GALNTL6: variants seen among roughly 807,000 people sequenced by gnomAD.
GALNTL6 encodes polypeptide N-acetylgalactosaminyltransferase like 6, also known as polypeptide N-acetylgalactosaminyltransferase-like 6.
A neutral mutation model predicts 73.7 loss-of-function variants in GALNTL6; 46 were observed. The ratio of observed to expected loss-of-function variants is 0.62; its 90% CI spans 0.49 to 0.80. GALNTL6 has a LOEUF of 0.80. GALNTL6 is among the 30% of genes least tolerant of loss of function. The pLI, the probability that GALNTL6 is intolerant of heterozygous loss-of-function variation, is 0.00. For missense variants in GALNTL6, 604 were observed against 755.0 expected (o/e 0.80, Z 2.34); for synonymous variants, 259 against 263.7 (o/e 0.98, Z 0.17).
At chr4:172,884,910 T>G (rs1367545598) in intron 8 of GALNTL6, among the ~76,000 whole-genome samples, 1 of 152,210 alleles carries the variant, frequency 6.6e-6, no homozygotes, top group Non-Finnish European at 1.5e-5. Context: ...TTGATGCCTT[T>G]TTGTCAAGAA....
At chr4:171,844,889 T>C (rs1735331561) in intron 2 of GALNTL6, among the ~76,000 whole-genome samples, 2 of 152,154 alleles carry the variant, frequency 1.3e-5, no homozygotes, top group Admixed American at 1.3e-4. Context: ...TTGAGATCTC[T>C]GCGGTCTATT....
At chr4:172,659,727 G>A (rs1731271694) in intron 5 of GALNTL6, among the ~76,000 whole-genome samples, 1 of 152,178 alleles carries the variant, frequency 6.6e-6, no homozygotes, top group Non-Finnish European at 1.5e-5. Context: ...AATTCTATAA[G>A]TGTTGACTTT....
At chr4:173,015,874 C>T (rs1345817490) in intron 11 of GALNTL6, among the ~76,000 whole-genome samples, 1 of 152,216 alleles carries the variant, frequency 6.6e-6, no homozygotes, top group Non-Finnish European at 1.5e-5. Context: ...CAGCCCCTCC[C>T]ATCACAGACC....
intron 5 of GALNTL6, among the ~76,000 whole-genome samples, chr4:172,553,105 G>C (rs945304191): frequency 2.6e-5 from 4 of 152,044 alleles, no homozygotes; most frequent in Non-Finnish European, 4.4e-5. Flanking sequence ...TTATATATTT[G>C]TGTATATACC....
rs1470917622 is a variant in GALNTL6 at position 172,069,998 on chromosome 4, G to T, written c.139-159658G>T. On this transcript the variant is annotated intron_variant, in intron 2 of 12. Coordinates refer to ENST00000506823, the MANE Select transcript of GALNTL6 (RefSeq NM_001034845.3). Reference sequence around the variant, plus strand: ...GTGAACAGAGCATTGTATTCTCAATGGGTTGCCTCTCTGGCCTCTTCGATA... The same window carrying T: ...GTGAACAGAGCATTGTATTCTCAATTGGTTGCCTCTCTGGCCTCTTCGATA... 3.7e-5 allele frequency among the ~76,000 whole-genome samples: 4 copies of T among 108,108 alleles called. 2 individuals carry two copies. Among genetic ancestry groups the T allele is most frequent in the Non-Finnish European group, 8.2e-5 (4 of 48,918 alleles). The allele number at this position is 108,108 out of a possible 152,430, so 70.9% of individuals were successfully genotyped here. A position where few individuals can be genotyped will look rare whatever the true frequency, so the allele number is the denominator to read the frequency against.
At chr4:171,950,599 C>T (rs1411730594) in intron 2 of GALNTL6, among the ~76,000 whole-genome samples, 1 of 151,752 alleles carries the variant, frequency 6.6e-6, no homozygotes, top group East Asian at 1.9e-4. Context: ...CCTGCCTCAG[C>T]CTCCCGAGTA....
At chr4:172,308,965 T>C (rs541133998) in intron 3 of GALNTL6, among the ~76,000 whole-genome samples, 1 of 152,302 alleles carries the variant, frequency 6.6e-6, no homozygotes, top group Admixed American at 6.5e-5. Context: ...GCTCAATAAC[T>C]AGCTGTTATA....
intron 2 of GALNTL6, among the ~76,000 whole-genome samples, chr4:171,935,026 A>T (rs1330628956): frequency 6.6e-6 from 1 of 152,120 alleles, no homozygotes; most frequent in Non-Finnish European, 1.5e-5. Flanking sequence ...CCCATGAGAA[A>T]ATGCTGCCAT....
At chr4:172,044,927 T>A (rs1193136535) in intron 2 of GALNTL6, among the ~76,000 whole-genome samples, 1 of 152,050 alleles carries the variant, frequency 6.6e-6, no homozygotes, top group Non-Finnish European at 1.5e-5. Flanking sequence ...CTATACAATA[T>A]ATTTCAGTGG....
chr4:172,718,255 A>G (rs1735230338), intron 5 of GALNTL6, among the ~76,000 whole-genome samples: 1 of 152,214 alleles, frequency 6.6e-6, no homozygotes, highest in Non-Finnish European at 1.5e-5. Flanking sequence ...TGCTAAATAT[A>G]CATTTCCTGA....
chr4:172,247,941 G>T (rs1737718782), intron 3 of GALNTL6, among the ~76,000 whole-genome samples: 2 of 152,086 alleles, frequency 1.3e-5, no homozygotes, highest in South Asian at 2.1e-4. Context: ...ATGACTGTGT[G>T]AAAAATACCA....
chr4:172,552,668 G>C (rs1224581714), intron 5 of GALNTL6, among the ~76,000 whole-genome samples: 7 of 150,862 alleles, frequency 4.6e-5, no homozygotes, highest in African/African-American at 1.5e-4. Flanking sequence ...TTTTTCTAAA[G>C]GTATCAATTA....
intron 5 of GALNTL6, among the ~76,000 whole-genome samples, chr4:172,643,003 T>G (rs1419271748): frequency 1.3e-5 from 2 of 151,884 alleles, no homozygotes; most frequent in Non-Finnish European, 2.9e-5. Flanking sequence ...TTTGATTTTA[T>G]GATACTATAG....
chr4:172,943,600 C>T (rs1237018573), intron 9 of GALNTL6, among the ~76,000 whole-genome samples: 1 of 152,210 alleles, frequency 6.6e-6, no homozygotes, highest in African/African-American at 2.4e-5. Flanking sequence ...ATGATTACCT[C>T]AGGTGGCACA....
chr4:172,525,577 T>G (rs181148985), intron 5 of GALNTL6, among the ~76,000 whole-genome samples: 63 of 152,310 alleles, frequency 4.1e-4, no homozygotes, highest in Admixed American at 3.7e-3. Flanking sequence ...ATAATTTATC[T>G]ATGGGTCGGG....
At chr4:172,371,183 G>A (rs1252065110) in intron 5 of GALNTL6, among the ~76,000 whole-genome samples, 1 of 152,148 alleles carries the variant, frequency 6.6e-6, no homozygotes, top group African/African-American at 2.4e-5. Flanking sequence ...ATCACTTACT[G>A]AATACCCATT....
intron 2 of GALNTL6, among the ~76,000 whole-genome samples, chr4:172,224,407 C>T (rs999866841): frequency 1.3e-5 from 2 of 152,110 alleles, no homozygotes; most frequent in Non-Finnish European, 2.9e-5. Context: ...CAAATAGAAT[C>T]ATAGGTATAT....
intron 10 of GALNTL6, among the ~76,000 whole-genome samples, chr4:172,996,742 G>A (rs1449532949): frequency 2.0e-5 from 3 of 152,144 alleles, no homozygotes. Context: ...GTAGAGTGAT[G>A]TACCCCTGGC....
chr4:172,188,807 T>C (rs1165916511), intron 2 of GALNTL6, among the ~76,000 whole-genome samples: 10 of 151,742 alleles, frequency 6.6e-5, no homozygotes, highest in Admixed American at 6.6e-4. Context: ...GAGGGAAGAG[T>C]GTAGGGACTC....
Sources: allele counts gnomAD v4.1 joint callset (sites outside exome capture counted in the v4.1 genomes callset), GRCh38; gene constraint gnomAD v4.1.1; transcripts MANE v1.5; gene names NCBI Gene and HGNC (gene_info 2026-07-23, HGNC 2026-07-21).